The following IL1RAPL2 variants were observed in gnomAD, a reference collection of about 807,000 sequenced individuals.
The protein encoded by IL1RAPL2 is X-linked interleukin-1 receptor accessory protein-like 2.
In IL1RAPL2, 3 loss-of-function variants were observed where a neutral mutation model predicts 44.1. That is an observed-to-expected ratio of 0.07 (90% CI 0.03 to 0.18). The LOEUF is 0.18. Ranked by LOEUF, IL1RAPL2 falls within the 10% of genes least tolerant of loss-of-function variation. The pLI, the probability that IL1RAPL2 is intolerant of heterozygous loss-of-function variation, is 1.00. For missense variants in IL1RAPL2, 391 were observed against 496.4 expected (o/e 0.79, Z 2.02); for synonymous variants, 181 against 178.8 (o/e 1.01, Z -0.10).
chrX:104,785,384 T>C (rs1474813723), intron 2 of IL1RAPL2, among the ~76,000 whole-genome samples: 1 of 111,684 alleles, frequency 9.0e-6, no homozygotes, highest in Non-Finnish European at 1.9e-5. Flanking sequence ...CATCAAGTAA[T>C]ATAAAAACAA....
chrX:105,362,850 GTT>G (rs2035257905), intron 5 of IL1RAPL2, among the ~76,000 whole-genome samples: 1 of 111,013 alleles, frequency 9.0e-6, no homozygotes, highest in South Asian at 3.7e-4. Context: ...TCCATTTTAT[GTT>G]TTTGTGGTGA....
At chrX:104,727,202 C>G (rs1931813614) in intron 2 of IL1RAPL2, among the ~76,000 whole-genome samples, 3 of 110,839 alleles carry the variant, frequency 2.7e-5, no homozygotes, top group Non-Finnish European at 5.7e-5. Flanking sequence ...TGACAAAGGA[C>G]TAATATCAAG....
At position 105,661,717 on chromosome X, in the gene IL1RAPL2, T is replaced by A. The variant is rs72618307; in HGVS notation, c.773-55650T>A. On this transcript the variant is annotated intron_variant, in intron 6 of 10. Coordinates refer to ENST00000372582, the MANE Select transcript of IL1RAPL2 (RefSeq NM_017416.2). ...TCAGTTTCTAATTTCTGTCCGCTGA[T>A]TCACAGAGTAGCTTACTACTTTCAA... 1.3e-3 allele frequency among the ~76,000 whole-genome samples: 149 copies of A among 112,200 alleles called. 2 individuals carry two copies. The East Asian group carries it at 0.036, about 27-fold the overall frequency.
At chrX:105,220,948 C>T (rs1381468040) in intron 3 of IL1RAPL2, among the ~76,000 whole-genome samples, 1 of 112,012 alleles carries the variant, frequency 8.9e-6, no homozygotes, top group African/African-American at 3.2e-5. Flanking sequence ...AATGGTTTGT[C>T]CCATGCCAAC....
At chrX:105,264,034 G>T (rs1352154357) in intron 4 of IL1RAPL2, among the ~76,000 whole-genome samples, 3 of 111,116 alleles carry the variant, frequency 2.7e-5, no homozygotes, top group African/African-American at 9.9e-5. Context: ...GAGCAGTGGG[G>T]TATGGTGATA....
chrX:104,675,049 G>A (rs1930715178), intron 2 of IL1RAPL2, among the ~76,000 whole-genome samples: 1 of 110,876 alleles, frequency 9.0e-6, no homozygotes, highest in Non-Finnish European at 1.9e-5. Flanking sequence ...CAAAAAACCA[G>A]CTCCTGGATT....
intron 5 of IL1RAPL2, among the ~76,000 whole-genome samples, chrX:105,327,488 G>C (rs1343874702): frequency 1.8e-5 from 2 of 111,940 alleles, no homozygotes; most frequent in African/African-American, 6.5e-5. Context: ...GTGCTTGGCT[G>C]AATCATGGTT....
intron 2 of IL1RAPL2, among the ~76,000 whole-genome samples, chrX:105,136,656 A>C (rs1181276075): frequency 8.9e-6 from 1 of 112,466 alleles, no homozygotes; most frequent in African/African-American, 3.2e-5. Context: ...TTACAGTATT[A>C]TCTCAATATT....
intron 5 of IL1RAPL2, among the ~76,000 whole-genome samples, chrX:105,394,439 A>G (rs1322075131): frequency 1.8e-5 from 2 of 111,443 alleles, no homozygotes; most frequent in East Asian, 2.8e-4. Context: ...TTCTTAGAGA[A>G]TCAGTCACCC....
intron 2 of IL1RAPL2, among the ~76,000 whole-genome samples, chrX:104,730,600 A>ATT (rs1212555618): frequency 4.1e-4 from 43 of 103,915 alleles, no homozygotes; most frequent in Admixed American, 1.2e-3. Context: ...TATGTGCCAC[A>ATT]TTTTCTTAAT....
chrX:104,696,440 G>A (rs1931184783), intron 2 of IL1RAPL2, among the ~76,000 whole-genome samples: 1 of 112,040 alleles, frequency 8.9e-6, no homozygotes, highest in South Asian at 3.7e-4. Context: ...CACACCTGCT[G>A]AATGCAAGTG....
chrX:104,816,571 A>G (rs1161854080), intron 2 of IL1RAPL2, among the ~76,000 whole-genome samples: 2 of 112,335 alleles, frequency 1.8e-5, no homozygotes, highest in African/African-American at 6.5e-5. Flanking sequence ...TGACTTTATG[A>G]TCCTGAGGCA....
At position 104,910,001 on chromosome X, in the gene IL1RAPL2, C is replaced by T. The variant is rs779918576; in HGVS notation, c.82+251006C>T. Among the ~76,000 whole-genome samples the T allele has an allele frequency of 2.4e-4, 27 of 112,433 alleles. No homozygotes were observed. The East Asian group carries it at 5.1e-3, about 21-fold the overall frequency. ...CTCAGACTGCTGTGCTAGCAATCAGCGAGACTCCGTGGTTGTAGGACCCTC... is the reference window on the plus strand; with the variant it reads ...CTCAGACTGCTGTGCTAGCAATCAGTGAGACTCCGTGGTTGTAGGACCCTC... On this transcript the variant is annotated intron_variant, in intron 2 of 10. Transcript: ENST00000372582.
At chrX:105,069,181 ACACAGAGTGGGCAAC>A (rs907228443) in intron 2 of IL1RAPL2, among the ~76,000 whole-genome samples, 7 of 112,977 alleles carry the variant, frequency 6.2e-5, no homozygotes, top group Non-Finnish European at 1.3e-4. Flanking sequence ...GCAGCACATC[ACACAGAGTGGGCAAC>A]CACAGAGTGG....
At chrX:104,662,327 G>T (rs1230579647) in intron 2 of IL1RAPL2, among the ~76,000 whole-genome samples, 1 of 111,879 alleles carries the variant, frequency 8.9e-6, no homozygotes, top group Non-Finnish European at 1.9e-5. Context: ...GGGCCTGATT[G>T]CTTTAGAACA....
At chrX:105,374,115 CAAAAAAAAAAAA>C (rs1177602549) in intron 5 of IL1RAPL2, among the ~76,000 whole-genome samples, 1 of 45,365 alleles carries the variant, frequency 2.2e-5, no homozygotes, top group African/African-American at 5.2e-5. Flanking sequence ...GCAAGACTGT[CAAAAAAAAAAAA>C]AAAAAAAAAG....
chrX:105,078,833 G>A (rs189483633), intron 2 of IL1RAPL2, among the ~76,000 whole-genome samples: 2 of 112,776 alleles, frequency 1.8e-5, no homozygotes, highest in Admixed American at 1.9e-4. Flanking sequence ...CTCCAAGCCA[G>A]GTGCGGGATA....
At chrX:104,983,939 A>G (rs772678251) in intron 2 of IL1RAPL2, among the ~76,000 whole-genome samples, 9 of 109,962 alleles carry the variant, frequency 8.2e-5, no homozygotes, top group Non-Finnish European at 1.5e-4. Flanking sequence ...TGAGTTGGCA[A>G]TCTAGTAACC....
At chrX:104,735,557 G>A (rs1489132518) in intron 2 of IL1RAPL2, among the ~76,000 whole-genome samples, 2 of 111,521 alleles carry the variant, frequency 1.8e-5, no homozygotes, top group Non-Finnish European at 3.8e-5. Flanking sequence ...AAATATTAGT[G>A]TTGTCTACTT....
Sources: gnomAD v4.1 joint callset for allele counts (sites outside exome capture counted in the v4.1 genomes callset) on GRCh38, gnomAD v4.1.1 for gene constraint, MANE v1.5 for transcripts, NCBI Gene and HGNC (gene_info 2026-07-23, HGNC 2026-07-21) for gene names.